The following DCDC2C variants were observed in gnomAD, a reference collection of about 807,000 sequenced individuals.
DCDC2C encodes the protein doublecortin domain-containing protein 2C.
A neutral mutation model predicts 45.0 loss-of-function variants in DCDC2C; 44 were observed. That is an observed-to-expected ratio of 0.98 (90% CI 0.77 to 1.26). The LOEUF (loss-of-function observed/expected upper bound fraction) is 1.26, where lower values mean the gene tolerates loss of function less well. DCDC2C is among the 50% of genes most tolerant of loss of function. The probability of loss-of-function intolerance (pLI) is 0.00; values close to 1 mark genes in which losing one functional copy is unlikely to be tolerated. For synonymous variants in DCDC2C, 187 were observed against 178.8 expected (o/e 1.05, Z -0.37); for missense variants, 447 against 468.9 (o/e 0.95, Z 0.43).
At chr2:3,706,332 C>T (rs1668065046) in intron 1 of DCDC2C, among the ~76,000 whole-genome samples, 1 of 152,138 alleles carries the variant, frequency 6.6e-6, no homozygotes, top group Admixed American at 6.5e-5. Context: ...AATATCCAGC[C>T]ATTACTCAGA....
At chr2:3,777,611 C>T (rs549395971) in intron 8 of DCDC2C, among the ~76,000 whole-genome samples, 3 of 152,268 alleles carry the variant, frequency 2.0e-5, no homozygotes, top group East Asian at 3.9e-4. Flanking sequence ...TTTGAGCACT[C>T]ACCATAGAGT....
At chr2:3,777,272 C>T (rs1372967069) in intron 8 of DCDC2C, among the ~76,000 whole-genome samples, 1 of 152,218 alleles carries the variant, frequency 6.6e-6, no homozygotes, top group Non-Finnish European at 1.5e-5. Flanking sequence ...ATGTTAAATA[C>T]TATTACATTC....
intron 10 of DCDC2C, among the ~76,000 whole-genome samples, chr2:3,811,023 A>G (rs1363744464): frequency 1.3e-5 from 2 of 152,172 alleles, no homozygotes; most frequent in Non-Finnish European, 2.9e-5. Flanking sequence ...TGATGCCTCC[A>G]GCTTTGTTCT....
At chr2:3,825,151 G>A (rs2148228032) in intron 10 of DCDC2C, among the ~76,000 whole-genome samples, 2 of 152,304 alleles carry the variant, frequency 1.3e-5, no homozygotes, top group Middle Eastern at 6.8e-3. Context: ...CTTACCTGCT[G>A]CCCTAGCCCC....
At chr2:3,762,158 GA>G (rs1183803610) in intron 6 of DCDC2C, among the ~76,000 whole-genome samples, 3 of 51,174 alleles carry the variant, frequency 5.9e-5, no homozygotes, top group African/African-American at 1.1e-4. Context: ...TTTCTTGCTT[GA>G]ACCTTTTTTT....
intron 2 of DCDC2C, among the ~76,000 whole-genome samples, chr2:3,716,755 G>C (rs1668361042): frequency 6.6e-6 from 1 of 152,184 alleles, no homozygotes; most frequent in African/African-American, 2.4e-5. Flanking sequence ...TGTCTCTATA[G>C]GACCTGCCTA....
intron 3 of DCDC2C, among the ~76,000 whole-genome samples, chr2:3,728,538 G>C (rs1430902618): frequency 6.6e-6 from 1 of 152,090 alleles, no homozygotes; most frequent in African/African-American, 2.4e-5. Context: ...CTCACTCACT[G>C]GACAGACATG....
At chr2:3,819,789 C>T (rs1671643066) in intron 10 of DCDC2C, among the ~76,000 whole-genome samples, 1 of 152,124 alleles carries the variant, frequency 6.6e-6, no homozygotes, top group Non-Finnish European at 1.5e-5. Context: ...TTGACTATGC[C>T]TTTAGCTCTG....
chr2:3,773,664 T>C (rs1408683209), intron 8 of DCDC2C, among the ~76,000 whole-genome samples: 1 of 152,240 alleles, frequency 6.6e-6, no homozygotes, highest in African/African-American at 2.4e-5. Flanking sequence ...TGTAACTACT[T>C]TAAGAAGGTG....
chr2:3,704,197 G>A, intron 1 of DCDC2C, 159 bp downstream of exon 1: 2 of 652,390 alleles, frequency 3.1e-6, no homozygotes, highest in Non-Finnish European at 4.3e-6. Context: ...GCGTCGGGCC[G>A]CCCCAGGCCA....
intron 2 of DCDC2C, among the ~76,000 whole-genome samples, chr2:3,716,432 A>G (rs1668352641): frequency 6.6e-6 from 1 of 152,142 alleles, no homozygotes; most frequent in South Asian, 2.1e-4. Context: ...CTGACCAGAA[A>G]AGGAAGATGA....
At chr2:3,727,202 C>A in intron 3 of DCDC2C, 123 bp downstream of exon 3, 1 of 698,686 alleles carries the variant, frequency 1.4e-6, no homozygotes, top group Admixed American at 2.4e-5. Flanking sequence ...CCTCCCCCTG[C>A]TCTCTTGTGC....
intron 10 of DCDC2C, among the ~76,000 whole-genome samples, chr2:3,806,773 T>C (rs1671258459): frequency 1.3e-5 from 2 of 152,044 alleles, no homozygotes; most frequent in African/African-American, 4.8e-5. Context: ...AGTCTCCAAC[T>C]CCTGACCTTG....
chr2:3,762,915 C>T (rs1334501336), intron 6 of DCDC2C, among the ~76,000 whole-genome samples: 1 of 151,880 alleles, frequency 6.6e-6, no homozygotes, highest in East Asian at 1.9e-4. Flanking sequence ...GAACAGCAAG[C>T]GTGTGTGAGG....
At position 3,761,377 on chromosome 2, in the gene DCDC2C, G is replaced by A. The variant is rs746523716; in HGVS notation, c.727-6377G>A. Reference sequence around the variant, plus strand: ...TAAAGCATATAAATTAAGGAGGTGCGTGTGTGTGTGCGTGTGTGTGTGCGT... The same window carrying A: ...TAAAGCATATAAATTAAGGAGGTGCATGTGTGTGTGCGTGTGTGTGTGCGT... On this transcript the variant is annotated intron_variant, in intron 6 of 10. Transcript: ENST00000399143. The surrounding 1 kb of genome is among the most constrained non-coding windows in gnomAD (Gnocchi z 4.3). Among the ~76,000 whole-genome samples, 5 of 151,814 alleles carry A rather than the reference G, an allele frequency of 3.3e-5. No homozygotes were observed. Among genetic ancestry groups the A allele is most frequent in the East Asian group, 1.9e-4 (1 of 5,196 alleles).
At chr2:3,759,581 G>A (rs1669821533) in intron 6 of DCDC2C, among the ~76,000 whole-genome samples, 1 of 152,190 alleles carries the variant, frequency 6.6e-6, no homozygotes, top group Non-Finnish European at 1.5e-5. Flanking sequence ...ATGGCGGGAG[G>A]GTGGTGCATT....
At chr2:3,752,106 C>G (rs1263160143) in intron 4 of DCDC2C, among the ~76,000 whole-genome samples, 1 of 152,188 alleles carries the variant, frequency 6.6e-6, no homozygotes, top group African/African-American at 2.4e-5. Flanking sequence ...TGGGTTCAGC[C>G]TTTCTCCTCT....
intron 3 of DCDC2C, 137 bp downstream of exon 3, chr2:3,727,216 C>T (rs1335765604): frequency 4.6e-6 from 3 of 649,990 alleles, no homozygotes; most frequent in Non-Finnish European, 5.3e-6. Flanking sequence ...CTTGTGCTCT[C>T]ACTTCCTGAC....
intron 2 of DCDC2C, among the ~76,000 whole-genome samples, chr2:3,722,344 A>G (rs1410181876): frequency 6.6e-6 from 1 of 152,242 alleles, no homozygotes; most frequent in East Asian, 1.9e-4. Flanking sequence ...TAATAGCTGT[A>G]TGTTGTTGGG....
Sources: gnomAD v4.1 joint callset for allele counts (sites outside exome capture counted in the v4.1 genomes callset) on GRCh38, gnomAD v4.1.1 for gene constraint, Gnocchi (gnomAD v3.1) non-coding constraint, MANE v1.5 for transcripts, NCBI Gene and HGNC (gene_info 2026-07-23, HGNC 2026-07-21) for gene names.